The following SLIT2 variants were observed in gnomAD, a reference collection of about 807,000 sequenced individuals.
SLIT2 encodes slit guidance ligand 2.
A neutral mutation model predicts 185.7 loss-of-function variants in SLIT2; 41 were observed. That is an observed-to-expected ratio of 0.22 (90% CI 0.17 to 0.29). SLIT2 has a LOEUF of 0.29. Ranked by LOEUF, SLIT2 falls within the 10% of genes least tolerant of loss-of-function variation. SLIT2 has a pLI of 1.00. For missense variants in SLIT2, 1,571 were observed against 1,909.0 expected, an observed-to-expected ratio of 0.82 and a Z score of 3.30; for synonymous variants, 693 against 680.2, an observed-to-expected ratio of 1.02 and a Z score of -0.29.
intron 5 of SLIT2, among the ~76,000 whole-genome samples, 188 bp from the exon 6 acceptor site, chr4:20,480,527 GA>G (rs1270943974): frequency 6.6e-6 from 1 of 152,096 alleles, no homozygotes; most frequent in African/African-American, 2.4e-5. Flanking sequence ...AGACAGTTCA[GA>G]ACAAAAAGAT....
At chr4:20,438,083 C>A in intron 4 of SLIT2, among the ~76,000 whole-genome samples, 1 of 152,104 alleles carries the variant, frequency 6.6e-6, no homozygotes, top group Admixed American at 6.5e-5. Flanking sequence ...ACCTACAGCA[C>A]TCACCCCGTT....
At chr4:20,276,035 A>G (rs1714138765) in intron 4 of SLIT2, among the ~76,000 whole-genome samples, 1 of 152,128 alleles carries the variant, frequency 6.6e-6, no homozygotes, top group Non-Finnish European at 1.5e-5. Flanking sequence ...TTACTCTGTT[A>G]GCTTTGTAAT....
intron 18 of SLIT2, among the ~76,000 whole-genome samples, chr4:20,538,289 G>C (rs1722485166): frequency 6.6e-6 from 1 of 152,046 alleles, no homozygotes; most frequent in South Asian, 2.1e-4. Context: ...TCCCCCAGGG[G>C]CATGTGACTC....
chr4:20,609,029 A>G (rs1729005810), intron 33 of SLIT2, among the ~76,000 whole-genome samples: 1 of 152,116 alleles, frequency 6.6e-6, no homozygotes, highest in Non-Finnish European at 1.5e-5. Flanking sequence ...TTAACACTGC[A>G]CCGTGTATTG....
rs188967233 is a variant in SLIT2, at chr4:20,309,916, C to T, written c.395+41035C>T. On this transcript the variant is annotated intron_variant, in intron 4 of 36. Coordinates refer to ENST00000504154, the MANE Select transcript of SLIT2 (RefSeq NM_004787.4). ...CTGGGACTACAGGCGCCCACCACCA[C>T]GCCTGGCTAATTTTTTGTATTTTTT... Among the ~76,000 whole-genome samples the T allele has an allele frequency of 1.8e-3, 270 of 151,996 alleles. 2 individuals carry two copies. The highest frequency in any genetic ancestry group is 2.9e-3 in the Non-Finnish European group (197 of 67,956).
chr4:20,395,540 G>T (rs77037307), intron 4 of SLIT2, among the ~76,000 whole-genome samples: 2,243 of 152,062 alleles, frequency 0.015, 20 homozygotes, highest in Non-Finnish European at 0.025. Flanking sequence ...CAACAGTATG[G>T]AGGAGAGCTA....
At chr4:20,334,084 T>G (rs1291459447) in intron 4 of SLIT2, among the ~76,000 whole-genome samples, 1 of 152,172 alleles carries the variant, frequency 6.6e-6, no homozygotes, top group Non-Finnish European at 1.5e-5. Context: ...TCCCTATGTC[T>G]CTACTTTAGA....
intron 4 of SLIT2, among the ~76,000 whole-genome samples, chr4:20,451,763 G>A (rs1216926306): frequency 1.3e-5 from 2 of 152,176 alleles, no homozygotes; most frequent in Non-Finnish European, 2.9e-5. Flanking sequence ...TTGGTGTCTA[G>A]GAGATTGACT....
Position 20,328,854 on chromosome 4 carries a change from G to T in SLIT2, c.395+59973G>T, listed in dbSNP as rs142814113. Reference sequence around the variant, plus strand: ...TGGGCCTTGAACTGAAAATGAGAATGTTCCAAAATAAATGTGTGTATGTAC... The same window carrying T: ...TGGGCCTTGAACTGAAAATGAGAATTTTCCAAAATAAATGTGTGTATGTAC... On this transcript the variant is annotated intron_variant, in intron 4 of 36. Transcript: ENST00000504154. Among the ~76,000 whole-genome samples, 26 of 152,110 alleles carry T rather than the reference G, an allele frequency of 1.7e-4. No individual in the cohort carries two copies. In the East Asian group the frequency reaches 4.1e-3, roughly 24 times the overall value.
chr4:20,494,293 G>T (rs1338712029), intron 9 of SLIT2, among the ~76,000 whole-genome samples: 1 of 152,168 alleles, frequency 6.6e-6, no homozygotes, highest in Non-Finnish European at 1.5e-5. Flanking sequence ...ATGGGATTTG[G>T]CATTTGATGA....
At chr4:20,527,903 C>T (rs1420281771) in intron 15 of SLIT2, among the ~76,000 whole-genome samples, 2 of 152,104 alleles carry the variant, frequency 1.3e-5, no homozygotes, top group Non-Finnish European at 2.9e-5. Flanking sequence ...ATAATACCCT[C>T]CCTTTTCAAT....
intron 18 of SLIT2, among the ~76,000 whole-genome samples, chr4:20,538,203 G>A (rs768243322): frequency 5.3e-5 from 8 of 152,026 alleles, no homozygotes; most frequent in Non-Finnish European, 7.4e-5. Context: ...CTCGTGATCC[G>A]CCCGCCTCGG....
At chr4:20,480,402 G>A (rs578055334) in intron 5 of SLIT2, among the ~76,000 whole-genome samples, 4 of 152,236 alleles carry the variant, frequency 2.6e-5, no homozygotes, top group Admixed American at 2.0e-4. Flanking sequence ...GCAAGATGAC[G>A]CTGAAAGCTC....
At chr4:20,366,116 C>T (rs1560357023) in intron 4 of SLIT2, among the ~76,000 whole-genome samples, 2 of 152,114 alleles carry the variant, frequency 1.3e-5, no homozygotes, top group Admixed American at 1.3e-4. Flanking sequence ...GTGTTAACTC[C>T]TGTGCCTCTT....
At chr4:20,453,830 A>C (rs1712749714) in intron 4 of SLIT2, among the ~76,000 whole-genome samples, 1 of 152,216 alleles carries the variant, frequency 6.6e-6, no homozygotes, top group South Asian at 2.1e-4. Flanking sequence ...CTAGTCGAAC[A>C]TGAGGTAGGC....
intron 3 of SLIT2, among the ~76,000 whole-genome samples, chr4:20,262,910 G>A (rs889515714): frequency 4.6e-5 from 7 of 151,750 alleles, no homozygotes; most frequent in African/African-American, 1.5e-4. Context: ...GAGAAGGCCC[G>A]TTTGCTCTTT....
At chr4:20,280,332 C>CA (rs10585964) in intron 4 of SLIT2, among the ~76,000 whole-genome samples, 2,625 of 87,126 alleles carry the variant, frequency 0.03, 40 homozygotes, top group Middle Eastern at 0.047. Flanking sequence ...GACTCTGTCT[C>CA]AAAAAAAAAA....
chr4:20,550,721 C>A, intron 24 of SLIT2, 106 bp from the exon 25 acceptor site: 1 of 613,828 alleles, frequency 1.6e-6, no homozygotes, highest in South Asian at 2.3e-5. Flanking sequence ...ACCGTCTTTT[C>A]TGCACTCATT....
intron 4 of SLIT2, among the ~76,000 whole-genome samples, chr4:20,319,601 C>T (rs1435784555): frequency 6.6e-6 from 1 of 151,796 alleles, no homozygotes; most frequent in African/African-American, 2.4e-5. Context: ...TTAAGTAATT[C>T]CAGTATGGAA....
Sources: allele counts gnomAD v4.1 joint callset (sites outside exome capture counted in the v4.1 genomes callset), GRCh38; gene constraint gnomAD v4.1.1; transcripts MANE v1.5; gene names NCBI Gene and HGNC (gene_info 2026-07-23, HGNC 2026-07-21).